IGHMBP2: variants seen among roughly 807,000 people sequenced by gnomAD.
IGHMBP2 encodes immunoglobulin mu DNA binding protein 2, also known as DNA-binding protein SMUBP-2.
In IGHMBP2, 81 loss-of-function variants were observed where a neutral mutation model predicts 96.0. The observed-to-expected ratio is 0.84, with a 90% CI of 0.71 to 1.01. The LOEUF is 1.01. Ranked by LOEUF, IGHMBP2 falls within the 50% of genes least tolerant of loss-of-function variation. The probability of loss-of-function intolerance (pLI) is 0.00; values close to 1 mark genes in which losing one functional copy is unlikely to be tolerated. For synonymous variants in IGHMBP2, 557 were observed against 548.9 expected (o/e 1.01, Z -0.21); for missense variants, 1,227 against 1,306.3 (o/e 0.94, Z 0.94).
At chr11:68,921,095 T>C (rs1461003982) in intron 7 of IGHMBP2, among the ~76,000 whole-genome samples, 2 of 151,924 alleles carry the variant, frequency 1.3e-5, no homozygotes, top group Non-Finnish European at 2.9e-5. Context: ...TGGGCCTTGC[T>C]TTATTATCCA....
At chr11:68,906,607 A>T (rs1202495888) in intron 2 of IGHMBP2, among the ~76,000 whole-genome samples, 1 of 151,498 alleles carries the variant, frequency 6.6e-6, no homozygotes, top group Non-Finnish European at 1.5e-5. Flanking sequence ...TAAATAAAAA[A>T]TATCTTATTA....
intron 8 of IGHMBP2, chr11:68,930,173 G>A (rs2154008351): frequency 8.2e-7 from 1 of 1,218,122 alleles, no homozygotes; most frequent in Middle Eastern, 3.5e-4. Flanking sequence ...GCTGTCCTTG[G>A]ACAAGTCCCT....
chr11:68,912,466 T>G (rs368532304), intron 5 of IGHMBP2, among the ~76,000 whole-genome samples: 1 of 151,852 alleles, frequency 6.6e-6, no homozygotes, highest in East Asian at 1.9e-4. Context: ...GGATCTTTTA[T>G]CATCATCTGC....
At chr11:68,910,133 G>A (rs1175336635) in intron 4 of IGHMBP2, among the ~76,000 whole-genome samples, 2 of 152,354 alleles carry the variant, frequency 1.3e-5, no homozygotes, top group Non-Finnish European at 1.5e-5. Context: ...GCAAGCCAGT[G>A]TTGTGTTAGC....
At chr11:68,936,154 G>A in intron 12 of IGHMBP2, 83 bp from the exon 13 acceptor site, 1 of 1,517,828 alleles carries the variant, frequency 6.6e-7, no homozygotes, top group Non-Finnish European at 9.1e-7. Flanking sequence ...CACTTTTGGT[G>A]GTGGTTACTG....
chr11:68,911,659 T>A, intron 5 of IGHMBP2, 56 bp downstream of exon 5: 1 of 1,546,244 alleles, frequency 6.5e-7, no homozygotes, highest in Non-Finnish European at 8.9e-7. Context: ...GTCTGTTGTG[T>A]TCAGTGGGTG....
chr11:68,925,356 C>G (rs1859027275), intron 7 of IGHMBP2, among the ~76,000 whole-genome samples: 1 of 151,930 alleles, frequency 6.6e-6, no homozygotes, highest in African/African-American at 2.4e-5. Flanking sequence ...ACCATGTTGG[C>G]CAGGCTGGTC....
At position 68,929,166 on chromosome 11, in the gene IGHMBP2, C is replaced by T. The variant is rs988459464; in HGVS notation, c.1061-17C>T. ...CAGCTGTGCCCCTGGAGACTCCCGG[C>T]TCCCTGTTTCCACCAGGTGCGTCTG... On this transcript the variant is annotated splice_polypyrimidine_tract_variant and intron_variant, in intron 7 of 14. Transcript: ENST00000255078. The T allele has an allele frequency of 3.1e-6, 5 of 1,610,396 alleles. No individual in the cohort carries two copies. The African/African-American group carries it at 6.7e-5, about 21-fold the overall frequency.
intron 5 of IGHMBP2, among the ~76,000 whole-genome samples, chr11:68,912,984 G>A (rs1858495790): frequency 7.2e-6 from 1 of 138,224 alleles, no homozygotes; most frequent in Non-Finnish European, 1.5e-5. Flanking sequence ...GGAGGTTGCA[G>A]TGAACTGAGA....
chr11:68,912,647 A>G (rs1002030585), intron 5 of IGHMBP2, among the ~76,000 whole-genome samples: 25 of 151,850 alleles, frequency 1.6e-4, no homozygotes, highest in Admixed American at 1.5e-3. Context: ...TTGTAGTTTG[A>G]TGTTTACTGG....
chr11:68,929,556 C>T (rs1459611453), intron 8 of IGHMBP2, among the ~76,000 whole-genome samples, 199 bp downstream of exon 8: 3 of 152,164 alleles, frequency 2.0e-5, no homozygotes, highest in Admixed American at 6.5e-5. Context: ...AGGGTGGGGT[C>T]GCATCACCTT....
intron 7 of IGHMBP2, among the ~76,000 whole-genome samples, chr11:68,925,607 C>A (rs1859036999): frequency 6.6e-6 from 1 of 152,162 alleles, no homozygotes; most frequent in Admixed American, 6.5e-5. Flanking sequence ...TTACTCTCTC[C>A]AAAGGACTCC....
chr11:68,935,707 T>G (rs1859500242), intron 12 of IGHMBP2, among the ~76,000 whole-genome samples: 2 of 152,228 alleles, frequency 1.3e-5, no homozygotes, highest in South Asian at 4.1e-4. Context: ...TGAAGCCCCC[T>G]GCAGCCCAGA....
chr11:68,934,424 G>A (rs1259408740), intron 10 of IGHMBP2, 40 bp from the exon 11 acceptor site: 6 of 1,481,700 alleles, frequency 4.0e-6, no homozygotes, highest in Non-Finnish European at 5.6e-6. Flanking sequence ...CCCACTTGGG[G>A]CGACCTTGTG....
chr11:68,915,063 C>G lies in IGHMBP2; in HGVS notation c.912+40C>G, dbSNP rs763443687. 2.6e-6 allele frequency: 4 copies of G among 1,533,050 alleles called. No homozygotes were observed. In the Admixed American group the frequency reaches 6.7e-5, roughly 26 times the overall value. The allele number at this position is 1,533,050 out of a possible 1,614,324, so 95.0% of individuals were successfully genotyped here. On this transcript the variant is annotated intron_variant, in intron 6 of 14. Coordinates refer to ENST00000255078, the MANE Select transcript of IGHMBP2 (RefSeq NM_002180.3). ...CAGTGTCCATGTGGGGCGTGGGCTT[C>G]TGATCTGCAGTCTTTTTAAGGAGCA...
intron 10 of IGHMBP2, 66 bp from the exon 11 acceptor site, chr11:68,934,398 G>A (rs1468986500): frequency 9.9e-6 from 11 of 1,115,226 alleles, no homozygotes; most frequent in South Asian, 5.2e-5. Context: ...CCCGAAACAC[G>A]TGTTGGTGGT....
In IGHMBP2 at chr11:68,933,795, G is replaced by A. The variant is rs750407517; in HGVS notation, c.1419G>A (p.Arg473=). 8 of 1,610,696 alleles carry A rather than the reference G, an allele frequency of 5.0e-6. No individual in the cohort carries two copies. In the East Asian group the frequency reaches 6.7e-5, roughly 13 times the overall value. ...TGCTCCCTCTCTGCCTGTGTGCCAG[G>A]GACCTCCCAGGTGTGGCTGCCACAG... ...AHSSVARHLL[R]DLPGVAATEE... The change falls in exon 10 of 15, where the codon AGG becomes AGA. Residue 473 remains arginine, a splice_region_variant and synonymous_variant. Coordinates refer to ENST00000255078, the MANE Select transcript of IGHMBP2 (RefSeq NM_002180.3).
intron 4 of IGHMBP2, among the ~76,000 whole-genome samples, chr11:68,908,922 A>G (rs1858311279): frequency 6.8e-6 from 1 of 146,726 alleles, no homozygotes. Context: ...CTCATTGCAA[A>G]CTCCGCCTCC....
At chr11:68,921,815 G>T (rs934707447) in intron 7 of IGHMBP2, among the ~76,000 whole-genome samples, 1 of 152,158 alleles carries the variant, frequency 6.6e-6, no homozygotes, top group Non-Finnish European at 1.5e-5. Context: ...GGGTCAGCCG[G>T]TGATGCAGTC....
Sources: allele counts gnomAD v4.1 joint callset (sites outside exome capture counted in the v4.1 genomes callset), GRCh38; gene constraint gnomAD v4.1.1; transcripts MANE v1.5; gene names NCBI Gene and HGNC (gene_info 2026-07-23, HGNC 2026-07-21).